Variants in NEGR1 observed in about 807,000 individuals in gnomAD.
NEGR1 encodes the protein neuronal growth regulator 1.
A neutral mutation model predicts 40.9 loss-of-function variants in NEGR1; 10 were observed. That is an observed-to-expected ratio of 0.24 (90% CI 0.15 to 0.42). NEGR1 has a LOEUF of 0.42. Ranked by LOEUF, NEGR1 falls within the 10% of genes least tolerant of loss-of-function variation. NEGR1 has a pLI of 1.00. For synonymous variants in NEGR1, 185 were observed against 166.8 expected, an observed-to-expected ratio of 1.11 and a Z score of -0.84; for missense variants, 352 against 438.9, an observed-to-expected ratio of 0.80 and a Z score of 1.77.
intron 2 of NEGR1, among the ~76,000 whole-genome samples, chr1:71,815,141 T>G (rs1658156321): frequency 6.6e-6 from 1 of 152,156 alleles, no homozygotes; most frequent in Non-Finnish European, 1.5e-5. Flanking sequence ...ACTTATTGAT[T>G]TCTGCCTTAA....
chr1:71,883,558 G>C (rs1349237623), intron 2 of NEGR1, among the ~76,000 whole-genome samples: 1 of 152,036 alleles, frequency 6.6e-6, no homozygotes, highest in Non-Finnish European at 1.5e-5. Context: ...TTTTTCATGA[G>C]AAATTAAAGG....
intron 4 of NEGR1, among the ~76,000 whole-genome samples, chr1:71,624,845 C>A (rs773494056): frequency 2.6e-5 from 4 of 151,862 alleles, no homozygotes; most frequent in Non-Finnish European, 5.9e-5. Flanking sequence ...GTTCTCCATC[C>A]AATAATCTCC....
chr1:71,690,557 A>C (rs1286413712), intron 4 of NEGR1, among the ~76,000 whole-genome samples: 1 of 135,090 alleles, frequency 7.4e-6, no homozygotes, highest in Non-Finnish European at 1.6e-5. Context: ...CACACATATA[A>C]GTTATATAAC....
intron 2 of NEGR1, among the ~76,000 whole-genome samples, chr1:71,804,226 T>C (rs1657670307): frequency 6.6e-6 from 1 of 152,216 alleles, no homozygotes; most frequent in Admixed American, 6.5e-5. Flanking sequence ...TGTTTTTTCA[T>C]GTTTTATAAA....
At chr1:71,564,537 T>G (rs1234421179) in intron 6 of NEGR1, among the ~76,000 whole-genome samples, 1 of 152,128 alleles carries the variant, frequency 6.6e-6, no homozygotes, top group African/African-American at 2.4e-5. Context: ...CTTCCTTTAC[T>G]CATATTTCCT....
intron 4 of NEGR1, among the ~76,000 whole-genome samples, chr1:71,619,129 T>G (rs1570113465): frequency 6.6e-6 from 1 of 152,144 alleles, no homozygotes; most frequent in South Asian, 2.1e-4. Context: ...ACAAAAATTA[T>G]GACTAGTTAA....
At chr1:72,081,159 A>G (rs138894197) in intron 1 of NEGR1, among the ~76,000 whole-genome samples, 2 of 152,190 alleles carry the variant, frequency 1.3e-5, no homozygotes, top group East Asian at 3.9e-4. Flanking sequence ...AATTTAGGAG[A>G]TACTAGGAAA....
At chr1:71,603,047 G>A (rs1649973960) in intron 5 of NEGR1, among the ~76,000 whole-genome samples, 1 of 152,120 alleles carries the variant, frequency 6.6e-6, no homozygotes, top group African/African-American at 2.4e-5. Flanking sequence ...AACATAACAC[G>A]ACATAGCAAA....
intron 2 of NEGR1, among the ~76,000 whole-genome samples, chr1:71,888,386 G>A (rs900092013): frequency 7.2e-5 from 11 of 152,000 alleles, no homozygotes; most frequent in East Asian, 1.9e-4. Flanking sequence ...TAAGCAGGGC[G>A]AGGCATTGCC....
At chr1:71,504,429 G>C (rs906001153) in intron 6 of NEGR1, among the ~76,000 whole-genome samples, 1 of 152,008 alleles carries the variant, frequency 6.6e-6, no homozygotes, top group Non-Finnish European at 1.5e-5. Context: ...TCAACACAGA[G>C]AAAGAAGAGA....
intron 1 of NEGR1, among the ~76,000 whole-genome samples, chr1:72,052,278 C>G (rs1647069142): frequency 6.6e-6 from 1 of 151,384 alleles, no homozygotes; most frequent in Admixed American, 6.6e-5. Flanking sequence ...TCCAACAGAA[C>G]TCTTGATTAT....
rs191632649 is a variant in NEGR1 at position 71,954,938 on chromosome 1, A to G, written c.177-19627T>C. Among the ~76,000 whole-genome samples, 4 of 152,262 alleles carry G rather than the reference A, an allele frequency of 2.6e-5. No homozygotes were observed. In the East Asian group the frequency reaches 7.7e-4, roughly 29 times the overall value. ...ACCTAGATATTAATAAAATATGCAA[A>G]AGTAATTTATAGAGTTAATGTTGAT... is the stretch of plus-strand genomic sequence containing the variant. On this transcript the variant is annotated intron_variant, in intron 1 of 6. Coordinates refer to ENST00000357731, the MANE Select transcript of NEGR1 (RefSeq NM_173808.3).
intron 6 of NEGR1, among the ~76,000 whole-genome samples, chr1:71,562,805 A>T (rs1648502956): frequency 6.6e-6 from 1 of 151,992 alleles, no homozygotes; most frequent in South Asian, 2.1e-4. Context: ...TTGCTCACGT[A>T]AACAGTTCAA....
At chr1:71,558,643 T>G (rs1466665484) in intron 6 of NEGR1, among the ~76,000 whole-genome samples, 1 of 151,466 alleles carries the variant, frequency 6.6e-6, no homozygotes, top group Non-Finnish European at 1.5e-5. Flanking sequence ...TAGCTTAAAT[T>G]GTTCCAGTTT....
At chr1:71,636,902 G>A (rs1427655896) in intron 4 of NEGR1, among the ~76,000 whole-genome samples, 3 of 151,918 alleles carry the variant, frequency 2.0e-5, no homozygotes, top group Non-Finnish European at 4.4e-5. Context: ...ATTAATAGTA[G>A]CCCAATACTT....
chr1:71,785,507 T>A (rs1656879902), intron 2 of NEGR1, among the ~76,000 whole-genome samples: 1 of 152,164 alleles, frequency 6.6e-6, no homozygotes, highest in Non-Finnish European at 1.5e-5. Context: ...TTCTATTCCA[T>A]TGAGCCAATG....
intron 5 of NEGR1, among the ~76,000 whole-genome samples, chr1:71,601,327 G>C (rs1649912932): frequency 6.6e-6 from 1 of 152,196 alleles, no homozygotes; most frequent in Admixed American, 6.5e-5. Flanking sequence ...AACAGATGTT[G>C]GTGTGGATGT....
chr1:72,066,792 A>C (rs2100503156), intron 1 of NEGR1, among the ~76,000 whole-genome samples: 1 of 152,266 alleles, frequency 6.6e-6, no homozygotes, highest in South Asian at 2.1e-4. Context: ...ATGCTGTTTA[A>C]GACACCCAGT....
At chr1:71,540,998 C>A (rs1167773646) in intron 6 of NEGR1, among the ~76,000 whole-genome samples, 1 of 151,538 alleles carries the variant, frequency 6.6e-6, no homozygotes, top group Non-Finnish European at 1.5e-5. Context: ...TGAGAACTCA[C>A]TATTGCAAAG....
Sources: allele counts gnomAD v4.1 joint callset (sites outside exome capture counted in the v4.1 genomes callset), GRCh38; gene constraint gnomAD v4.1.1; transcripts MANE v1.5; gene names NCBI Gene and HGNC (gene_info 2026-07-23, HGNC 2026-07-21).